PTPRG: variants seen among roughly 807,000 people sequenced by gnomAD.
PTPRG encodes the protein protein tyrosine phosphatase receptor type G.
Under a neutral mutation model 165.3 loss-of-function variants are expected in PTPRG, and 102 were observed. That is an observed-to-expected ratio of 0.62 (90% CI 0.53 to 0.73). PTPRG has a LOEUF of 0.73. Ranked by LOEUF, PTPRG falls within the 30% of genes least tolerant of loss-of-function variation. PTPRG has a pLI of 0.00. For missense variants in PTPRG, 1,866 were observed against 1,861.4 expected (o/e 1.00, Z -0.05); for synonymous variants, 675 against 669.5 (o/e 1.01, Z -0.13).
At chr3:61,639,670 A>G (rs1456850996) in intron 1 of PTPRG, among the ~76,000 whole-genome samples, 2 of 151,908 alleles carry the variant, frequency 1.3e-5, no homozygotes, top group Non-Finnish European at 2.9e-5. Flanking sequence ...TTTTGTGGCT[A>G]TTGTAAATGT....
At chr3:61,636,719 T>C (rs1215791039) in intron 1 of PTPRG, among the ~76,000 whole-genome samples, 1 of 152,248 alleles carries the variant, frequency 6.6e-6, no homozygotes, top group Admixed American at 6.5e-5. Flanking sequence ...TATGGGTATT[T>C]GGGTAGTTTC....
chr3:61,636,755 T>G (rs1187151774), intron 1 of PTPRG, among the ~76,000 whole-genome samples: 1 of 152,266 alleles, frequency 6.6e-6, no homozygotes. Flanking sequence ...TGAATAGTGC[T>G]GATCTAAACA....
At chr3:61,901,044 C>T (rs1297723533) in intron 2 of PTPRG, among the ~76,000 whole-genome samples, 4 of 152,148 alleles carry the variant, frequency 2.6e-5, no homozygotes, top group Non-Finnish European at 4.4e-5. Context: ...CATAGCTGAG[C>T]GCTCTTAATC....
intron 2 of PTPRG, among the ~76,000 whole-genome samples, chr3:61,777,126 CT>C (rs1391618719): frequency 1.3e-5 from 2 of 152,088 alleles, no homozygotes; most frequent in Non-Finnish European, 2.9e-5. Context: ...TGACATTTCT[CT>C]TAGTCAATAC....
chr3:61,827,208 A>C (rs1345426238), intron 2 of PTPRG, among the ~76,000 whole-genome samples: 1 of 152,238 alleles, frequency 6.6e-6, no homozygotes, highest in Non-Finnish European at 1.5e-5. Context: ...TAAGTGGTGC[A>C]TTTGCAGCAT....
At chr3:62,099,627 T>C (rs1351015210) in intron 5 of PTPRG, among the ~76,000 whole-genome samples, 1 of 152,052 alleles carries the variant, frequency 6.6e-6, no homozygotes, top group Non-Finnish European at 1.5e-5. Flanking sequence ...ATGAGCCATG[T>C]TATTAATTAA....
chr3:61,906,083 G>A (rs1456535720), intron 2 of PTPRG, among the ~76,000 whole-genome samples: 2 of 151,952 alleles, frequency 1.3e-5, no homozygotes, highest in Non-Finnish European at 2.9e-5. Context: ...ATTAAAGTTG[G>A]AATGCTTCCT....
intron 1 of PTPRG, among the ~76,000 whole-genome samples, chr3:61,723,295 C>G (rs565598094): frequency 2.0e-5 from 3 of 151,866 alleles, no homozygotes; most frequent in African/African-American, 4.8e-5. Flanking sequence ...GTCACAACAG[C>G]ATTAATTTTC....
chr3:61,657,273 C>G (rs918562159), intron 1 of PTPRG, among the ~76,000 whole-genome samples: 1 of 151,998 alleles, frequency 6.6e-6, no homozygotes, highest in Non-Finnish European at 1.5e-5. Context: ...GAGGACCTCT[C>G]TAGAATGAGG....
chr3:61,592,482 T>C (rs576015444), intron 1 of PTPRG, among the ~76,000 whole-genome samples: 2 of 152,270 alleles, frequency 1.3e-5, no homozygotes, highest in South Asian at 4.1e-4. Context: ...ATTTTCCCTT[T>C]CTCTGAAGCT....
Position 62,203,534 on chromosome 3 carries a change from G to A in PTPRG, c.1739G>A (p.Gly580Glu), listed in dbSNP as rs1700146840. ...AAGGACGGCGAGGGCACCGAGGAAGGAGAGAAGGATGAGAAAAGCGAGAGT... is the reference window on the plus strand; with the variant it reads ...AAGGACGGCGAGGGCACCGAGGAAGAAGAGAAGGATGAGAAAAGCGAGAGT... Reference protein sequence around the residue: ...PTKDGEGTEEGEKDEKSESED... With the variant: ...PTKDGEGTEEEEKDEKSESED... The change falls in exon 12 of 30, where the codon GGA becomes GAA. Residue 580 changes from glycine to glutamate, a missense_variant. Transcript: ENST00000474889. This position sits in a 1 kb window ranked among gnomAD's most constrained non-coding sequence, Gnocchi z 6.4. 1 of 1,554,544 alleles carries A rather than the reference G, an allele frequency of 6.4e-7. No homozygotes were observed. The highest frequency in any genetic ancestry group is 8.7e-7 in the Non-Finnish European group (1 of 1,148,354).
chr3:61,640,419 C>T (rs1487083268), intron 1 of PTPRG, among the ~76,000 whole-genome samples: 1 of 152,172 alleles, frequency 6.6e-6, no homozygotes, highest in African/African-American at 2.4e-5. Flanking sequence ...CCTCCTCCTC[C>T]TCCTCTTCTT....
At chr3:62,016,635 C>T (rs1015594375) in intron 4 of PTPRG, among the ~76,000 whole-genome samples, 1 of 152,216 alleles carries the variant, frequency 6.6e-6, no homozygotes, top group Non-Finnish European at 1.5e-5. Context: ...TTGCCCTTCA[C>T]AATCCACTCT....
intron 1 of PTPRG, among the ~76,000 whole-genome samples, chr3:61,607,790 T>C (rs1701055573): frequency 1.3e-5 from 2 of 152,082 alleles, no homozygotes; most frequent in Non-Finnish European, 2.9e-5. Flanking sequence ...ATAAATGCCA[T>C]GTGGGCTCAG....
chr3:61,642,756 T>G (rs1323244680), intron 1 of PTPRG, among the ~76,000 whole-genome samples: 1 of 152,188 alleles, frequency 6.6e-6, no homozygotes, highest in Non-Finnish European at 1.5e-5. Context: ...CAGACTGGCT[T>G]TTAATACTGG....
At position 61,843,824 on chromosome 3, in the gene PTPRG, TAA is replaced by T. The variant is rs555463428; in HGVS notation, c.190+94852_190+94853del. 2.6e-4 allele frequency among the ~76,000 whole-genome samples: 37 copies of T among 144,452 alleles called. 1 individual carries two copies. The highest frequency in any genetic ancestry group is 2.1e-3 in the Admixed American group (30 of 14,454). The allele number at this position is 144,452 out of a possible 152,430, so 94.8% of individuals were successfully genotyped here. A position where few individuals can be genotyped will look rare whatever the true frequency, so the allele number is the denominator to read the frequency against. ...AATCTCTTAAAACTGGACATTTCTT[TAA>T]AAAAAAAAACAAAAAACCCAGTTTT... is the stretch of plus-strand genomic sequence containing the variant. On this transcript the variant is annotated intron_variant, in intron 2 of 29. Coordinates refer to ENST00000474889, the MANE Select transcript of PTPRG (RefSeq NM_002841.4).
intron 4 of PTPRG, among the ~76,000 whole-genome samples, 161 bp from the exon 5 acceptor site, chr3:62,077,997 CAAAAA>C (rs56828286): frequency 1.1e-5 from 1 of 94,360 alleles, no homozygotes; most frequent in African/African-American, 3.5e-5. Context: ...GACCTTATCT[CAAAAA>C]AAAAAAAAAA....
intron 2 of PTPRG, among the ~76,000 whole-genome samples, chr3:61,929,321 G>A (rs968605572): frequency 9.3e-5 from 14 of 150,974 alleles, no homozygotes; most frequent in Admixed American, 4.0e-4. Context: ...TTTAGCTACT[G>A]AAGAATTATG....
At chr3:62,032,247 G>A (rs1270151761) in intron 4 of PTPRG, among the ~76,000 whole-genome samples, 1 of 152,168 alleles carries the variant, frequency 6.6e-6, no homozygotes. Flanking sequence ...GAGAAATATA[G>A]GATTAGTCAA....
Sources: gnomAD v4.1 joint callset for allele counts (sites outside exome capture counted in the v4.1 genomes callset) on GRCh38, gnomAD v4.1.1 for gene constraint, Gnocchi (gnomAD v3.1) non-coding constraint, MANE v1.5 for transcripts, NCBI Gene and HGNC (gene_info 2026-07-23, HGNC 2026-07-21) for gene names.